The following POTEG variants were observed in gnomAD, a reference collection of about 807,000 sequenced individuals.
POTEG encodes ANKRD26-like family C member 2.
A neutral mutation model predicts 49.6 loss-of-function variants in POTEG; 2 were observed. The observed-to-expected ratio is 0.04, with a 90% CI of 0.02 to 0.13. The LOEUF (loss-of-function observed/expected upper bound fraction) is 0.13. POTEG is among the 10% of genes least tolerant of loss of function. The pLI is 1.00. For missense variants in POTEG, 26 were observed against 545.2 expected (o/e 0.05, Z 9.48); for synonymous variants, 7 against 186.6 (o/e 0.04, Z 7.84).
intron 9 of POTEG, among the ~76,000 whole-genome samples, chr14:19,407,040 CT>C (rs1475270514): frequency 6.6e-6 from 1 of 151,362 alleles, no homozygotes; most frequent in African/African-American, 2.4e-5. Context: ...TCTCAAAGAA[CT>C]AAAAATAGAT....
At chr14:19,419,963 G>T (rs1352903719) in intron 6 of POTEG, among the ~76,000 whole-genome samples, 2 of 143,764 alleles carry the variant, frequency 1.4e-5, no homozygotes, top group East Asian at 4.1e-4. Flanking sequence ...TCATGAACTT[G>T]CCTTAGCTGA....
intron 6 of POTEG, among the ~76,000 whole-genome samples, chr14:19,419,953 T>A (rs1232311703): frequency 7.0e-6 from 1 of 143,824 alleles, no homozygotes; most frequent in African/African-American, 2.7e-5. Context: ...AAAAAGTCTA[T>A]CATGAACTTG....
chr14:19,416,216 A>T, intron 7 of POTEG, 72 bp downstream of exon 7: 1 of 1,549,160 alleles, frequency 6.5e-7, no homozygotes, highest in South Asian at 1.2e-5. Flanking sequence ...GGACTATCTA[A>T]TATTATTAAA....
At chr14:19,426,568 T>C (rs1173334142) in intron 3 of POTEG, among the ~76,000 whole-genome samples, 3 of 151,666 alleles carry the variant, frequency 2.0e-5, no homozygotes, top group Non-Finnish European at 2.9e-5. Flanking sequence ...ATTGAAAGAC[T>C]GCTCACAGCA....
intron 7 of POTEG, 123 bp downstream of exon 7, chr14:19,416,165 C>G (rs1294133213): frequency 1.6e-6 from 1 of 635,852 alleles, no homozygotes; most frequent in Non-Finnish European, 2.7e-6. Context: ...AAAAAAGAAT[C>G]TATTGATTCT....
intron 1 of POTEG, among the ~76,000 whole-genome samples, chr14:19,432,366 GTATATATATATATATATATATATATA>G (rs58599371): frequency 1.7e-3 from 65 of 37,870 alleles, no homozygotes; most frequent in Non-Finnish European, 2.5e-3. Flanking sequence ...AAGAAATTTT[GTATATATATATATATATATATATATA>G]TATATATATA....
intron 1 of POTEG, among the ~76,000 whole-genome samples, chr14:19,432,460 A>T (rs58903265): frequency 2.3e-5 from 2 of 86,984 alleles, no homozygotes; most frequent in Admixed American, 1.3e-4. Context: ...ATATATATAC[A>T]TATATACATA....
At chr14:19,432,364 T>TTTATTTTTATATA (rs1566383045) in intron 1 of POTEG, among the ~76,000 whole-genome samples, 1 of 42,950 alleles carries the variant, frequency 2.3e-5, no homozygotes, top group African/African-American at 9.7e-5. Flanking sequence ...AAAAGAAATT[T>TTTATTTTTATATA]TGTATATATA....
chr14:19,432,691 G>T (rs1300360292), intron 1 of POTEG, among the ~76,000 whole-genome samples: 3 of 74,428 alleles, frequency 4.0e-5, no homozygotes, highest in Non-Finnish European at 7.7e-5. Flanking sequence ...CATATATTTC[G>T]GTATTTCTAA....
chr14:19,427,812 TC>T (rs1884015180), intron 3 of POTEG, among the ~76,000 whole-genome samples: 1 of 149,966 alleles, frequency 6.7e-6, no homozygotes, highest in African/African-American at 2.5e-5. Flanking sequence ...CCAATCTGGT[TC>T]CTCAGAGGCC....
At chr14:19,418,567 T>TA (rs1883642888) in intron 6 of POTEG, among the ~76,000 whole-genome samples, 1 of 51,900 alleles carries the variant, frequency 1.9e-5, no homozygotes, top group African/African-American at 4.5e-5. Context: ...CAAGTCTTAT[T>TA]AGTGAGAGTC....
intron 7 of POTEG, among the ~76,000 whole-genome samples, chr14:19,415,672 T>A (rs1883527418): frequency 6.6e-6 from 1 of 151,514 alleles, no homozygotes; most frequent in Non-Finnish European, 1.5e-5. Flanking sequence ...TATAAGCTAA[T>A]CAAGAAGGCA....
intron 3 of POTEG, among the ~76,000 whole-genome samples, chr14:19,426,408 C>T (rs1452966427): frequency 6.6e-6 from 1 of 151,082 alleles, no homozygotes; most frequent in Non-Finnish European, 1.5e-5. Flanking sequence ...ACACACTGGA[C>T]AGTCCACAAT....
chr14:19,416,614 A>C (rs1241363747), intron 6 of POTEG, among the ~76,000 whole-genome samples: 7 of 49,062 alleles, frequency 1.4e-4, no homozygotes, highest in Middle Eastern at 5.2e-3. Context: ...ACATAAATGA[A>C]CAAAACCACC....
chr14:19,414,312 T>C (rs1339635486), intron 8 of POTEG, among the ~76,000 whole-genome samples: 2 of 145,028 alleles, frequency 1.4e-5, no homozygotes, highest in African/African-American at 5.0e-5. Context: ...GATCCAAAGC[T>C]CCTAAAGTGG....
At chr14:19,415,651 G>A (rs1382765686) in intron 7 of POTEG, among the ~76,000 whole-genome samples, 1 of 150,912 alleles carries the variant, frequency 6.6e-6, no homozygotes, top group Non-Finnish European at 1.5e-5. Context: ...ATTCCAAAAG[G>A]AAAGATTAGC....
At chr14:19,415,829 A>ATTTTTTT (rs58833974) in intron 7 of POTEG, among the ~76,000 whole-genome samples, 17 of 96,740 alleles carry the variant, frequency 1.8e-4, no homozygotes, top group African/African-American at 5.4e-4. Context: ...ATCTATTAAA[A>ATTTTTTT]TTTTTTTTTT....
intron 7 of POTEG, among the ~76,000 whole-genome samples, chr14:19,414,988 C>G (rs1342853475): frequency 7.0e-6 from 1 of 142,836 alleles, no homozygotes; most frequent in Non-Finnish European, 1.6e-5. Flanking sequence ...ACCTTCCTCA[C>G]TTGAAAAGAG....
At chr14:19,418,996 T>A (rs1450612975) in intron 6 of POTEG, among the ~76,000 whole-genome samples, 8 of 103,946 alleles carry the variant, frequency 7.7e-5, no homozygotes, top group East Asian at 3.9e-4. Flanking sequence ...GAAAAAAGCA[T>A]AACACCAAAA....
Sources: gnomAD v4.1 joint callset for allele counts (sites outside exome capture counted in the v4.1 genomes callset) on GRCh38, gnomAD v4.1.1 for gene constraint, MANE v1.5 for transcripts, NCBI Gene and HGNC (gene_info 2026-07-23, HGNC 2026-07-21) for gene names.